RRP12: variants seen among roughly 807,000 people sequenced by gnomAD.
RRP12 encodes RRP12-like protein.
In RRP12, 78 loss-of-function variants were observed where a neutral mutation model predicts 157.3. The ratio of observed to expected loss-of-function variants is 0.50; its 90% CI spans 0.41 to 0.60. The LOEUF (loss-of-function observed/expected upper bound fraction) is 0.60, where lower values mean the gene tolerates loss of function less well. Ranked by LOEUF, RRP12 falls within the 20% of genes least tolerant of loss-of-function variation. The pLI, the probability that RRP12 is intolerant of heterozygous loss-of-function variation, is 0.00. For synonymous variants in RRP12, 726 were observed against 670.9 expected (o/e 1.08, Z -1.27); for missense variants, 1,521 against 1,679.9 (o/e 0.91, Z 1.65).
At chr10:97,385,749 T>G in intron 9 of RRP12, 146 bp downstream of exon 9, 1 of 619,298 alleles carries the variant, frequency 1.6e-6, no homozygotes. Context: ...CAATCTTCCT[T>G]CCCCTTCTAC....
chr10:97,395,855 A>G (rs1338267470), intron 3 of RRP12, among the ~76,000 whole-genome samples: 24 of 148,878 alleles, frequency 1.6e-4, no homozygotes, highest in Non-Finnish European at 3.1e-4. Context: ...CGCCTCAAAA[A>G]AAAAAAAAAA....
intron 13 of RRP12, among the ~76,000 whole-genome samples, chr10:97,380,135 C>T (rs1025762204): frequency 6.6e-6 from 1 of 152,222 alleles, no homozygotes; most frequent in Non-Finnish European, 1.5e-5. Flanking sequence ...CCTCCCCCAG[C>T]CACACTTTCA....
intron 11 of RRP12, 34 bp from the exon 12 acceptor site, chr10:97,381,517 A>G: frequency 3.2e-6 from 5 of 1,547,578 alleles, no homozygotes; most frequent in Non-Finnish European, 4.4e-6. Context: ...TCTGGGCCCA[A>G]GGCAGCCCCC....
chr10:97,379,292 C>T lies in RRP12; in HGVS notation c.1798+1G>A. Reference sequence around the variant, plus strand: ...CACACACAGGCAAGGGTCTCTCCTACCTTTGCTCTTCAGGGTGTTAGCCAG... The same window carrying T: ...CACACACAGGCAAGGGTCTCTCCTATCTTTGCTCTTCAGGGTGTTAGCCAG... On this transcript the variant is annotated splice_donor_variant, in intron 15 of 33. Transcript: ENST00000370992. LOFTEE classifies it high-confidence loss of function. 6.2e-7 allele frequency: 1 copy of T among 1,613,958 alleles called. No individual in the cohort carries two copies. Among genetic ancestry groups the T allele is most frequent in the Non-Finnish European group, 8.5e-7 (1 of 1,179,902 alleles).
intron 4 of RRP12, among the ~76,000 whole-genome samples, chr10:97,391,977 C>G (rs1844817809): frequency 6.7e-6 from 1 of 149,288 alleles, no homozygotes; most frequent in African/African-American, 2.5e-5. Flanking sequence ...TCATTCAGTA[C>G]TGTTAAGTAT....
intron 31 of RRP12, among the ~76,000 whole-genome samples, chr10:97,359,642 G>A (rs533480987): frequency 2.6e-5 from 4 of 152,266 alleles, no homozygotes; most frequent in South Asian, 4.1e-4. Flanking sequence ...CGACCAACAC[G>A]AACCACCCCC....
At chr10:97,397,509 C>T (rs1418951155) in intron 2 of RRP12, among the ~76,000 whole-genome samples, 3 of 152,052 alleles carry the variant, frequency 2.0e-5, no homozygotes, top group African/African-American at 7.2e-5. Context: ...TTGGTTGAAT[C>T]TGCAGGTGCA....
intron 10 of RRP12, among the ~76,000 whole-genome samples, chr10:97,383,168 T>A (rs1041210536): frequency 3.9e-5 from 6 of 152,208 alleles, no homozygotes; most frequent in African/African-American, 1.4e-4. Flanking sequence ...TAGAGTACGA[T>A]GATAAGCATC....
intron 2 of RRP12, among the ~76,000 whole-genome samples, chr10:97,398,115 C>T (rs529423964): frequency 1.0e-4 from 8 of 76,342 alleles, no homozygotes; most frequent in South Asian, 4.8e-4. Context: ...ACTGCAGTGG[C>T]GCAATCTCGG....
chr10:97,369,665 A>G, intron 24 of RRP12, 83 bp from the exon 25 acceptor site: 1 of 1,388,508 alleles, frequency 7.2e-7, no homozygotes, highest in South Asian at 1.3e-5. Context: ...ACAGCCACTC[A>G]AGTGTCAGTA....
At position 97,360,511 on chromosome 10, in the gene RRP12, C is replaced by T. The variant is rs756891682; in HGVS notation, c.3640+35G>A. On this transcript the variant is annotated intron_variant, in intron 31 of 33. Coordinates refer to ENST00000370992, the MANE Select transcript of RRP12 (RefSeq NM_015179.4). ...CCTCCCTAATGCAGGTGACAGGGAT[C>T]CATGTGTCCCAGGAGAGAGGAGTGG... 2.4e-5 allele frequency: 36 copies of T among 1,522,810 alleles called. No homozygotes were observed. In the East Asian group the frequency reaches 7.9e-4, roughly 33 times the overall value. The allele number at this position is 1,522,810 out of a possible 1,614,324, so 94.3% of individuals were successfully genotyped here.
rs1007988406 is a variant in RRP12 at position 97,376,054 on chromosome 10, G to A, written c.1799-2160C>T. Among the ~76,000 whole-genome samples the A allele has an allele frequency of 4.6e-5, 7 of 151,976 alleles. No individual in the cohort carries two copies. The South Asian group carries it at 6.2e-4, about 14-fold the overall frequency. On this transcript the variant is annotated intron_variant, in intron 15 of 33. Coordinates refer to ENST00000370992, the MANE Select transcript of RRP12 (RefSeq NM_015179.4). ...GGAGGTGGAGGTTGCAGTGAGCCAA[G>A]ATCGCACCACTGCACTCCAGCTTGG...
At position 97,401,148 on chromosome 10, in the gene RRP12, G is replaced by A; in HGVS notation, c.84C>T (p.Pro28=). 1.2e-6 allele frequency: 2 copies of A among 1,614,074 alleles called. No individual in the cohort carries two copies. Among genetic ancestry groups the A allele is most frequent in the Non-Finnish European group, 1.7e-6 (2 of 1,180,006 alleles). ...CGGCCTGACGGTGGCGGCAGATGGCGGGGTTGCTGTCGCTGCTGTGGCCTT... is the reference window on the plus strand; with the variant it reads ...CGGCCTGACGGTGGCGGCAGATGGCAGGGTTGCTGTCGCTGCTGTGGCCTT... ...WKKGHSSDSN[P]AICRHRQAAR... The change falls in exon 1 of 34, where the codon CCC becomes CCT. Residue 28 remains proline (P), a synonymous_variant. Coordinates refer to ENST00000370992, the MANE Select transcript of RRP12 (RefSeq NM_015179.4).
Position 97,390,780 on chromosome 10 carries a change from A to G in RRP12, c.595T>C (p.Ser199Pro). 6.2e-7 allele frequency: 1 copy of G among 1,614,064 alleles called. No individual in the cohort carries two copies. Among genetic ancestry groups the G allele is most frequent in the Middle Eastern group, 1.6e-4 (1 of 6,062 alleles). The part of the protein sequence containing the change: ...DTSKAFMDIM[S>P]AQASSGSTSV... ...GTGGAGCCGCTGCTGGCCTGAGCTG[A>G]CATGATATCCATGAAGGCTTTGGAG... Residue 199 changes from serine (S) to proline (P), a missense_variant, in exon 5 of 34, where the codon TCA (serine) becomes CCA (proline). By Grantham distance (74) the Ser-to-Pro change is moderately conservative (BLOSUM62 -1). Coordinates refer to ENST00000370992, the MANE Select transcript of RRP12 (RefSeq NM_015179.4).
rs1170806681 is a variant in RRP12, at chr10:97,398,148, G to A, written c.370-1847C>T. On this transcript the variant is annotated intron_variant, in intron 2 of 33. Transcript: ENST00000370992. ...CGGCTCACTGCAAGCTCCGCTTCCCGGGTTCACGCCATTCTCCTGCCTCAG... is the reference window on the plus strand; with the variant it reads ...CGGCTCACTGCAAGCTCCGCTTCCCAGGTTCACGCCATTCTCCTGCCTCAG... Among the ~76,000 whole-genome samples, 6 of 87,628 alleles carry A rather than the reference G, an allele frequency of 6.8e-5. 1 individual carries two copies. The highest frequency in any genetic ancestry group is 2.1e-5 in the Non-Finnish European group (1 of 47,832). The allele number at this position is 87,628 out of a possible 152,430, so 57.5% of individuals were successfully genotyped here. A position where few individuals can be genotyped will look rare whatever the true frequency, so the allele number is the denominator to read the frequency against.
At chr10:97,400,639 G>A in intron 1 of RRP12, 105 bp from the exon 2 acceptor site, 2 of 876,442 alleles carry the variant, frequency 2.3e-6, no homozygotes, top group Non-Finnish European at 3.5e-6. Flanking sequence ...CAACCCGAGA[G>A]GCTGAATTCT....
chr10:97,373,501 T>A lies in RRP12; in HGVS notation c.2026+74A>T. 3 of 1,444,322 alleles carry A rather than the reference T, an allele frequency of 2.1e-6. No homozygotes were observed. The East Asian group carries it at 7.1e-5, about 34-fold the overall frequency. 89.5% of individuals were successfully genotyped at this position (1,444,322 alleles called of 1,614,324 possible). On this transcript the variant is annotated intron_variant, in intron 17 of 33. Transcript: ENST00000370992. ...TTCTGTGGCTCTGCCTGGCAAGGAGTGTAGCAAGCCAGGGGATGGGGCCAG... is the reference window on the plus strand; with the variant it reads ...TTCTGTGGCTCTGCCTGGCAAGGAGAGTAGCAAGCCAGGGGATGGGGCCAG...
chr10:97,366,729 AACATGGTCTC>A lies in RRP12; in HGVS notation c.3215+3_3215+12del, dbSNP rs780627988. 1.1e-5 allele frequency: 17 copies of A among 1,611,206 alleles called. No individual in the cohort carries two copies. Among genetic ancestry groups the A allele is most frequent in the Non-Finnish European group, 1.4e-5 (16 of 1,178,268 alleles). The stretch of plus-strand genomic sequence containing the variant: ...GGGGGACACCGGGTCCCATGGCCCT[AACATGGTCTC>A]ACCTGTCACCTTTGCCCTGGGCGGG... On this transcript the variant is annotated splice_donor_5th_base_variant and intron_variant, in intron 27 of 33. Transcript: ENST00000370992.
At chr10:97,381,596 C>A (rs921226714) in intron 11 of RRP12, 113 bp from the exon 12 acceptor site, 1 of 1,221,106 alleles carries the variant, frequency 8.2e-7, no homozygotes, top group African/African-American at 1.5e-5. Context: ...AAACCTATCT[C>A]CCATTTTGAG....
Sources: gnomAD v4.1 joint callset for allele counts (sites outside exome capture counted in the v4.1 genomes callset) on GRCh38, gnomAD v4.1.1 for gene constraint, MANE v1.5 for transcripts, NCBI Gene and HGNC (gene_info 2026-07-23, HGNC 2026-07-21) for gene names.